The following INO80C variants were observed in gnomAD, a reference collection of about 807,000 sequenced individuals.
INO80C encodes the protein INO80 complex subunit C.
A neutral mutation model predicts 17.7 loss-of-function variants in INO80C; 17 were observed. The ratio of observed to expected loss-of-function variants is 0.96; its 90% confidence interval spans 0.66 to 1.44. INO80C has a LOEUF of 1.44. Ranked by LOEUF, INO80C falls within the 40% of genes most tolerant of loss-of-function variation. INO80C has a pLI of 0.00. For synonymous variants in INO80C, 96 were observed against 95.8 expected (o/e 1.00, Z -0.01); for missense variants, 244 against 245.0 (o/e 1.00, Z 0.03).
chr18:35,492,558 T>A (rs1252862777), intron 1 of INO80C, among the ~76,000 whole-genome samples: 2 of 152,176 alleles, frequency 1.3e-5, no homozygotes, highest in Non-Finnish European at 2.9e-5. Flanking sequence ...AAAAAGGTAA[T>A]TTTAAAAATA....
intron 1 of INO80C, among the ~76,000 whole-genome samples, chr18:35,494,112 G>A (rs940017606): frequency 1.3e-5 from 2 of 152,148 alleles, no homozygotes; most frequent in Non-Finnish European, 2.9e-5. Flanking sequence ...CACCAGCACT[G>A]AGGAATCATC....
chr18:35,471,607 T>A (rs2045670610), intron 4 of INO80C, among the ~76,000 whole-genome samples: 1 of 152,206 alleles, frequency 6.6e-6, no homozygotes, highest in African/African-American at 2.4e-5. Context: ...TTTCTTTTTT[T>A]TTTAATTTTA....
intron 1 of INO80C, among the ~76,000 whole-genome samples, chr18:35,493,057 T>C (rs762774264): frequency 4.0e-4 from 61 of 152,156 alleles, no homozygotes; most frequent in Non-Finnish European, 8.2e-4. Flanking sequence ...ACGGCATGCC[T>C]GGGTTCGAAT....
intron 1 of INO80C, chr18:35,487,377 T>C (rs2045887211): frequency 2.5e-6 from 1 of 396,248 alleles, no homozygotes; most frequent in South Asian, 1.8e-5. Context: ...AGAGGTTTAA[T>C]GGACTCACAT....
At chr18:35,483,148 T>C (rs1391835825) in intron 1 of INO80C, among the ~76,000 whole-genome samples, 2 of 152,220 alleles carry the variant, frequency 1.3e-5, no homozygotes, top group Non-Finnish European at 2.9e-5. Flanking sequence ...TCCATGTCAG[T>C]TTTAATTTTA....
In INO80C at chr18:35,497,733, A is replaced by G. The variant is rs199794337; in HGVS notation, c.142T>C (p.Ser48Pro). 6.2e-6 allele frequency: 10 copies of G among 1,612,286 alleles called. No individual in the cohort carries two copies. Among genetic ancestry groups the G allele is most frequent in the Non-Finnish European group, 8.5e-6 (10 of 1,179,442 alleles). The change falls in exon 1 of 5, where the codon TCC (serine) becomes CCC (proline). Residue 48 changes from serine to proline, a missense_variant. By Grantham distance (74) the Ser-to-Pro change is moderately conservative. Transcript: ENST00000334598. Reference sequence around the variant, plus strand: ...CGACTGCGTACCTGCGCAAAGCTGGAAGCGGACGCTTTTTTCTTCTTACTG... The same window carrying G: ...CGACTGCGTACCTGCGCAAAGCTGGGAGCGGACGCTTTTTTCTTCTTACTG... ...GASKKKKASA[S>P]SFAQGISMEA...
chr18:35,496,300 G>A (rs1341807010), intron 1 of INO80C, among the ~76,000 whole-genome samples: 2 of 152,228 alleles, frequency 1.3e-5, no homozygotes, highest in Middle Eastern at 3.4e-3. Flanking sequence ...TGTACTAAAC[G>A]ACTCTCAAAA....
rs34798377 is a variant in INO80C, at chr18:35,468,620, G to C, written c.570C>G (p.Ile190Met). ...TCTCCCTTTCTGGGGCTCAGGGAAC[G>C]ATGCTCGTGGCCTTCCTCAGGGCCA... is the stretch of plus-strand genomic sequence containing the variant. ...GYLALRKATS[I>M]VP The change falls in exon 5 of 5, where the codon ATC becomes ATG. Residue 190 changes from isoleucine to methionine, a missense_variant. Coordinates refer to ENST00000334598, the MANE Select transcript of INO80C (RefSeq NM_194281.4). 1.9e-6 allele frequency: 3 copies of C among 1,614,068 alleles called. No individual in the cohort carries two copies. The highest frequency in any genetic ancestry group is 2.2e-5 in the East Asian group (1 of 44,878).
chr18:35,478,307 T>C lies in INO80C; in HGVS notation c.422A>G (p.Lys141Arg). 6.8e-6 allele frequency: 11 copies of C among 1,610,130 alleles called. No homozygotes were observed. The highest frequency in any genetic ancestry group is 8.5e-6 in the Non-Finnish European group (10 of 1,178,058). ...AAGCAGACCTGAAACATCAGAATAC[T>C]TCTTAGCTGGCTTAAAGGATGGAGG... ...DAPPSFKPAK[K>R]YSDVSGLLAN... is the part of the protein sequence containing the mutation. Residue 141 changes from lysine to arginine, a missense_variant, in exon 4 of 5, where the codon AAG becomes AGG. Coordinates refer to ENST00000334598, the MANE Select transcript of INO80C (RefSeq NM_194281.4).
chr18:35,489,121 T>G (rs1053610673), intron 1 of INO80C: 1 of 170,860 alleles, frequency 5.9e-6, no homozygotes. Flanking sequence ...TTTCTCACAT[T>G]TTCCTGTCTT....
intron 1 of INO80C, among the ~76,000 whole-genome samples, chr18:35,488,032 G>A (rs2045894655): frequency 6.6e-6 from 1 of 152,230 alleles, no homozygotes; most frequent in Non-Finnish European, 1.5e-5. Context: ...TCACACTGAT[G>A]CAAGAAATGG....
At chr18:35,480,397 C>G (rs979611513) in intron 2 of INO80C, 56 bp downstream of exon 2, 10 of 1,211,190 alleles carry the variant, frequency 8.3e-6, no homozygotes, top group Non-Finnish European at 1.2e-5. Flanking sequence ...CCAGCAAGAT[C>G]AGAGGCTGAG....
Position 35,480,253 on chromosome 18 carries a change from C to A in INO80C, c.267+200G>T, listed in dbSNP as rs535027117. On this transcript the variant is annotated intron_variant, in intron 2 of 4. Transcript: ENST00000334598. Reference sequence around the variant, plus strand: ...CTTTAATGAATCCACAAAGGACACCCAAATCCTTGGGATATGGCACATTAA... The same window carrying A: ...CTTTAATGAATCCACAAAGGACACCAAAATCCTTGGGATATGGCACATTAA... Among the ~76,000 whole-genome samples the A allele has an allele frequency of 4.6e-5, 7 of 152,264 alleles. No homozygotes were observed. In the South Asian group the frequency reaches 1.5e-3, roughly 32 times the overall value.
At chr18:35,477,957 AATC>A (rs1316118643) in intron 4 of INO80C, among the ~76,000 whole-genome samples, 1 of 152,254 alleles carries the variant, frequency 6.6e-6, no homozygotes, top group Non-Finnish European at 1.5e-5. Context: ...TTGTAAATAC[AATC>A]ATCATCTAAA....
At chr18:35,482,225 T>G (rs1444472177) in intron 1 of INO80C, among the ~76,000 whole-genome samples, 2 of 152,222 alleles carry the variant, frequency 1.3e-5, no homozygotes, top group Non-Finnish European at 2.9e-5. Flanking sequence ...AAAGTCATCA[T>G]GTTGTCATGT....
intron 4 of INO80C, among the ~76,000 whole-genome samples, chr18:35,473,530 C>G (rs775401331): frequency 6.6e-6 from 1 of 152,090 alleles, no homozygotes; most frequent in South Asian, 2.1e-4. Context: ...TGGGATTCCA[C>G]GTGAGTCCAT....
chr18:35,480,368 T>A, intron 2 of INO80C, 85 bp downstream of exon 2: 2 of 905,224 alleles, frequency 2.2e-6, no homozygotes, highest in South Asian at 2.7e-5. Flanking sequence ...AGAATGCCAG[T>A]GCCACCCTGG....
chr18:35,469,165 C>G (rs2045639125), intron 4 of INO80C, among the ~76,000 whole-genome samples: 1 of 152,224 alleles, frequency 6.6e-6, no homozygotes, highest in Non-Finnish European at 1.5e-5. Flanking sequence ...CACTTACCTC[C>G]AGCATGCTCC....
chr18:35,468,976 C>G (rs1378027340), intron 4 of INO80C, among the ~76,000 whole-genome samples: 4 of 152,160 alleles, frequency 2.6e-5, no homozygotes, highest in Non-Finnish European at 4.4e-5. Flanking sequence ...ACATCAGACT[C>G]TGGGACTCTT....
Sources: allele counts gnomAD v4.1 joint callset (sites outside exome capture counted in the v4.1 genomes callset), GRCh38; gene constraint gnomAD v4.1.1; transcripts MANE v1.5; gene names NCBI Gene and HGNC (gene_info 2026-07-23, HGNC 2026-07-21).